The following ANKS1A variants were observed in gnomAD, a reference collection of about 807,000 sequenced individuals.
ANKS1A encodes ankyrin repeat and SAM domain-containing protein 1A.
ANKS1A carries 55 observed loss-of-function variants against 120.3 expected under a neutral mutation model. The ratio of observed to expected loss-of-function variants is 0.46; its 90% CI spans 0.37 to 0.57. ANKS1A has a LOEUF of 0.57. Among genes scored for constraint, ANKS1A ranks in the 20% least tolerant of loss-of-function variants. ANKS1A has a pLI of 0.00. For synonymous variants in ANKS1A, 590 were observed against 604.7 expected, an observed-to-expected ratio of 0.98 and a Z score of 0.36; for missense variants, 1,123 against 1,480.3, an observed-to-expected ratio of 0.76 and a Z score of 3.96.
In ANKS1A at chr6:34,982,135, C is replaced by A; in HGVS notation, c.732+149C>A. On this transcript the variant is annotated intron_variant, in intron 4 of 23. Coordinates refer to ENST00000360359, the MANE Select transcript of ANKS1A (RefSeq NM_015245.3). This position sits in a 1 kb window ranked among gnomAD's most constrained non-coding sequence, Gnocchi z 4.9. ...TATTTGCCGACTCATTCTAATGTGA[C>A]ACTAAGAAACAAATGAACTCCTCAA... 1 of 1,013,348 alleles carries A rather than the reference C, an allele frequency of 9.9e-7. No homozygotes were observed. 62.8% of individuals were successfully genotyped at this position (1,013,348 alleles called of 1,614,324 possible).
chr6:35,035,129 C>T (rs1581679711), intron 11 of ANKS1A, among the ~76,000 whole-genome samples: 1 of 152,208 alleles, frequency 6.6e-6, no homozygotes, highest in African/African-American at 2.4e-5. Flanking sequence ...CTGGCCGGAC[C>T]GTGCACTTTA....
At chr6:35,083,944 C>A (rs1223113224) in intron 20 of ANKS1A, among the ~76,000 whole-genome samples, 177 bp from the exon 21 acceptor site, 2 of 152,074 alleles carry the variant, frequency 1.3e-5, no homozygotes, top group Non-Finnish European at 2.9e-5. Flanking sequence ...GGTGGAGACC[C>A]CAAACCAAAA....
Position 34,889,328 on chromosome 6 carries a change from G to A in ANKS1A, c.-75G>A, listed in dbSNP as rs866148944. The A allele has an allele frequency of 1.2e-5, 15 of 1,228,974 alleles. No homozygotes were observed. The highest frequency in any genetic ancestry group is 1.5e-5 in the Non-Finnish European group (15 of 986,450). 76.1% of individuals were successfully genotyped at this position (1,228,974 alleles called of 1,614,324 possible). A position where few individuals can be genotyped will look rare whatever the true frequency, so the allele number is the denominator to read the frequency against. On this transcript the variant is annotated 5_prime_UTR_variant, in exon 1 of 24. Transcript: ENST00000360359. This position sits in a 1 kb window ranked among gnomAD's most constrained non-coding sequence, Gnocchi z 5.5. ...CGGTTTGGGGGGTGCGTTGCCCGGA[G>A]ACGGAAAGTTTGGGAGCCCGAGCAG...
intron 10 of ANKS1A, among the ~76,000 whole-genome samples, chr6:35,009,137 G>A (rs888404631): frequency 6.6e-6 from 1 of 152,186 alleles, no homozygotes; most frequent in Non-Finnish European, 1.5e-5. Flanking sequence ...ATATACAATT[G>A]TGGACTCTTA....
Position 35,083,156 on chromosome 6 carries a change from A to G in ANKS1A, c.2837A>G (p.Tyr946Cys). ...CCTGGCCACTGCTCGCCCCCACAGT[A>G]TCTGGGCTCCATGCTGATCAAAGAT... ...IFESCGYEANYLGSMLIKDLR... is the reference protein window; with the variant it reads ...IFESCGYEANCLGSMLIKDLR... The change falls in exon 19 of 24, where the codon TAT (tyrosine) becomes TGT (cysteine). Residue 946 changes from tyrosine (Y) to cysteine (C), a missense_variant and splice_region_variant. Coordinates refer to ENST00000360359, the MANE Select transcript of ANKS1A (RefSeq NM_015245.3). 1 of 1,614,112 alleles carries G rather than the reference A, an allele frequency of 6.2e-7. No individual in the cohort carries two copies.
chr6:34,968,730 G>A (rs1439983558), intron 2 of ANKS1A, among the ~76,000 whole-genome samples: 8 of 151,762 alleles, frequency 5.3e-5, no homozygotes, highest in Non-Finnish European at 1.0e-4. Context: ...GAGCCACTGC[G>A]CCCGGCCAGC....
At chr6:34,901,896 T>C (rs1767368061) in intron 1 of ANKS1A, among the ~76,000 whole-genome samples, 1 of 152,176 alleles carries the variant, frequency 6.6e-6, no homozygotes, top group Non-Finnish European at 1.5e-5. Context: ...TGTGGAAGTA[T>C]AAGGTGGAAA....
chr6:35,041,387 G>A (rs1467730452), intron 11 of ANKS1A, among the ~76,000 whole-genome samples: 1 of 152,172 alleles, frequency 6.6e-6, no homozygotes, highest in Non-Finnish European at 1.5e-5. Context: ...GGGCAGCTCG[G>A]GGGTCTCCCA....
chr6:35,031,286 C>T (rs1306297206), intron 11 of ANKS1A, among the ~76,000 whole-genome samples: 2 of 152,214 alleles, frequency 1.3e-5, no homozygotes, highest in African/African-American at 4.8e-5. Context: ...ATAACAGTGA[C>T]TCTACCTACT....
At chr6:35,046,307 CAG>C (rs1281094053) in intron 11 of ANKS1A, among the ~76,000 whole-genome samples, 1 of 152,208 alleles carries the variant, frequency 6.6e-6, no homozygotes, top group African/African-American at 2.4e-5. Context: ...GGCTTTGTGA[CAG>C]GGAATAATGG....
rs533530568 is a variant in ANKS1A at position 35,044,961 on chromosome 6, C to A, written c.2011-9138C>A. 5.6e-4 allele frequency among the ~76,000 whole-genome samples: 85 copies of A among 152,272 alleles called. No individual in the cohort carries two copies. The highest frequency in any genetic ancestry group is 7.2e-4 in the Non-Finnish European group (49 of 68,020). On this transcript the variant is annotated intron_variant, in intron 11 of 23. Transcript: ENST00000360359. The surrounding 1 kb of genome is among the most constrained non-coding windows in gnomAD (Gnocchi z 4.4). Reference sequence around the variant, plus strand: ...TGTTTCCCAGTGTAAGTAAGGCTGGCATCTGGTCAAGTTACAGAGGGAAAC... The same window carrying A: ...TGTTTCCCAGTGTAAGTAAGGCTGGAATCTGGTCAAGTTACAGAGGGAAAC...
At chr6:34,967,729 C>T (rs1770972422) in intron 2 of ANKS1A, among the ~76,000 whole-genome samples, 1 of 151,858 alleles carries the variant, frequency 6.6e-6, no homozygotes, top group Non-Finnish European at 1.5e-5. Flanking sequence ...GTTTGCTAAG[C>T]GGTGGCACTG....
intron 13 of ANKS1A, among the ~76,000 whole-genome samples, chr6:35,069,997 A>G (rs1213347372): frequency 7.4e-6 from 1 of 135,422 alleles, no homozygotes; most frequent in Non-Finnish European, 1.5e-5. Context: ...ATTGCACTCC[A>G]GCCTGGGTGA....
At chr6:35,000,201 G>T (rs1006640904) in intron 10 of ANKS1A, among the ~76,000 whole-genome samples, 1 of 150,710 alleles carries the variant, frequency 6.6e-6, no homozygotes, top group Admixed American at 6.6e-5. Context: ...CCAGTAACCC[G>T]CAGATGGCCC....
chr6:34,966,523 T>G (rs1770903632), intron 1 of ANKS1A, among the ~76,000 whole-genome samples: 1 of 152,204 alleles, frequency 6.6e-6, no homozygotes, highest in Non-Finnish European at 1.5e-5. Context: ...CTCTAGCCAA[T>G]GCAGTAAAGT....
chr6:34,898,842 G>A lies in ANKS1A; in HGVS notation c.197+9243G>A, dbSNP rs1388802458. ...GTCCTCCTCAACCTCATTTTAAATG[G>A]ATGTGATATCCGTGGTATATATGAA... On this transcript the variant is annotated intron_variant, in intron 1 of 23. Transcript: ENST00000360359. Among the ~76,000 whole-genome samples, 5 of 152,154 alleles carry A rather than the reference G, an allele frequency of 3.3e-5. No homozygotes were observed. In the South Asian group the frequency reaches 1.0e-3, roughly 32 times the overall value.
At chr6:35,077,060 C>T (rs934458146) in intron 13 of ANKS1A, among the ~76,000 whole-genome samples, 2 of 152,106 alleles carry the variant, frequency 1.3e-5, no homozygotes, top group Non-Finnish European at 2.9e-5. Flanking sequence ...GATCCTACTC[C>T]GATAAGAAAT....
At chr6:35,078,682 C>T (rs1269805883) in intron 14 of ANKS1A, 26 bp downstream of exon 14, 6 of 1,598,374 alleles carry the variant, frequency 3.8e-6, no homozygotes, top group Non-Finnish European at 5.1e-6. Context: ...CCTGTAGCCT[C>T]AGCCCGTGCG....
In ANKS1A at chr6:35,088,933, C is replaced by T; in HGVS notation, c.*324C>T. On this transcript the variant is annotated 3_prime_UTR_variant, in exon 24 of 24. Coordinates refer to ENST00000360359, the MANE Select transcript of ANKS1A (RefSeq NM_015245.3). ...ATGAACTTTTAACACTTGGCTCAAA[C>T]CTCTAGGTCATACTGCCAATCTTTA... is the stretch of plus-strand genomic sequence containing the variant. 1 of 1,312,566 alleles carries T rather than the reference C, an allele frequency of 7.6e-7. No individual in the cohort carries two copies. The allele number at this position is 1,312,566 out of a possible 1,614,324, so 81.3% of individuals were successfully genotyped here.
Sources: gnomAD v4.1 joint callset for allele counts (sites outside exome capture counted in the v4.1 genomes callset) on GRCh38, gnomAD v4.1.1 for gene constraint, Gnocchi (gnomAD v3.1) non-coding constraint, MANE v1.5 for transcripts, NCBI Gene and HGNC (gene_info 2026-07-23, HGNC 2026-07-21) for gene names.